Variants in ZNF536 observed in about 807,000 individuals in gnomAD.
ZNF536 encodes the protein zinc finger protein 536.
Under a neutral mutation model 84.5 loss-of-function variants are expected in ZNF536, and 13 were observed. The observed-to-expected ratio is 0.15, with a 90% CI of 0.10 to 0.24. ZNF536 has a LOEUF of 0.24. ZNF536 is among the 10% of genes least tolerant of loss of function. ZNF536 has a pLI of 1.00. For synonymous variants in ZNF536, 811 were observed against 742.5 expected, an observed-to-expected ratio of 1.09 and a Z score of -1.50; for missense variants, 1,536 against 1,747.5, an observed-to-expected ratio of 0.88 and a Z score of 2.16.
rs560915047 is a variant in ZNF536, at chr19:30,525,306, C to T, written c.2171-9541C>T. ...TGCGCTGAACACTCTGGAGCACTTC[C>T]GATGTTTTGACGGTGCCCTGGACTA... On this transcript the variant is annotated intron_variant, in intron 2 of 4. Transcript: ENST00000355537. 3.9e-5 allele frequency among the ~76,000 whole-genome samples: 6 copies of T among 152,316 alleles called. No individual in the cohort carries two copies. The East Asian group carries it at 5.8e-4, about 15-fold the overall frequency.
chr19:30,313,873 C>G (rs944924026), intron 2 of ZNF536, among the ~76,000 whole-genome samples: 1 of 152,208 alleles, frequency 6.6e-6, no homozygotes, highest in Non-Finnish European at 1.5e-5. Context: ...GCCTGGGCTC[C>G]GAGAATAGAT....
chr19:30,530,431 C>T (rs2044757195), intron 2 of ZNF536, among the ~76,000 whole-genome samples: 1 of 152,120 alleles, frequency 6.6e-6, no homozygotes, highest in Non-Finnish European at 1.5e-5. Flanking sequence ...ACTTCAACCT[C>T]TGCCTCCCAG....
chr19:30,278,536 C>CA (rs1487173366), intron 1 of ZNF536, among the ~76,000 whole-genome samples: 1 of 152,146 alleles, frequency 6.6e-6, no homozygotes. Flanking sequence ...AGCAAGGCCC[C>CA]AAGATGTCAG....
intron 1 of ZNF536, among the ~76,000 whole-genome samples, chr19:30,569,541 C>T (rs115139440): frequency 0.016 from 2,232 of 136,576 alleles, 50 homozygotes; most frequent in South Asian, 0.057. Context: ...GAGATGGAAT[C>T]GAAGCCAGAT....
chr19:30,618,403 CATA>C (rs2048374234), intron 1 of ZNF536, among the ~76,000 whole-genome samples: 1 of 152,134 alleles, frequency 6.6e-6, no homozygotes, highest in African/African-American at 2.4e-5. Context: ...AAATAGACAG[CATA>C]ATATTTTGTT....
intron 2 of ZNF536, among the ~76,000 whole-genome samples, chr19:30,285,485 A>T (rs10415260): frequency 2.0e-5 from 3 of 152,050 alleles, no homozygotes; most frequent in East Asian, 3.9e-4. Context: ...TTTCTGATGC[A>T]TAATAAGGAA....
chr19:30,676,547 A>G (rs2050759072), intron 1 of ZNF536, among the ~76,000 whole-genome samples: 1 of 152,256 alleles, frequency 6.6e-6, no homozygotes, highest in African/African-American at 2.4e-5. Context: ...ATTTCAAATC[A>G]GTTTAATAAA....
At position 30,547,981 on chromosome 19, in the gene ZNF536, G is replaced by A. The variant is rs1251303551; in HGVS notation, c.2362G>A (p.Gly788Ser). Residue 788 changes from glycine (G) to serine (S), a missense_variant, in exon 4 of 5, where the codon GGC becomes AGC. Coordinates refer to ENST00000355537, the MANE Select transcript of ZNF536 (RefSeq NM_014717.3). ...PYKCPHCDYA[G>S]TQSASLKYHL... ...CAAGTGTCCGCACTGTGACTATGCC[G>A]GCACGCAGTCAGCATCCTTAAAATA... The A allele has an allele frequency of 6.9e-6, 11 of 1,593,420 alleles. No individual in the cohort carries two copies. The highest frequency in any genetic ancestry group is 9.4e-6 in the Non-Finnish European group (11 of 1,169,616).
chr19:30,514,873 C>T (rs996620363), intron 2 of ZNF536, among the ~76,000 whole-genome samples: 3 of 152,108 alleles, frequency 2.0e-5, no homozygotes, highest in Non-Finnish European at 2.9e-5. Context: ...CCAGTCTGCT[C>T]TGTCCTTACT....
At chr19:30,367,453 T>C (rs1314391130), upstream of ZNF536, among the ~76,000 whole-genome samples, 2 of 152,222 alleles carry the variant, frequency 1.3e-5, no homozygotes, top group Non-Finnish European at 2.9e-5. Context: ...GGACTGGGTA[T>C]CTGTCTTGGC....
chr19:30,396,574 G>T (rs964939042), intron 1 of ZNF536, among the ~76,000 whole-genome samples: 2 of 145,688 alleles, frequency 1.4e-5, no homozygotes, highest in Admixed American at 7.0e-5. Context: ...GCCTCCATTT[G>T]CTATGAGAGG....
At chr19:30,480,474 C>CA (rs1256659360) in intron 2 of ZNF536, among the ~76,000 whole-genome samples, 2 of 152,092 alleles carry the variant, frequency 1.3e-5, no homozygotes, top group Admixed American at 6.5e-5. Context: ...CGGATGTTCT[C>CA]ACTCATAAGT....
intron 1 of ZNF536, among the ~76,000 whole-genome samples, chr19:30,267,434 A>G (rs1380743926): frequency 6.6e-6 from 1 of 152,154 alleles, no homozygotes; most frequent in Non-Finnish European, 1.5e-5. Context: ...ATAAAAAGAA[A>G]AGGAGGGGGA....
chr19:30,615,146 C>T (rs1320486300), intron 1 of ZNF536, among the ~76,000 whole-genome samples: 3 of 148,014 alleles, frequency 2.0e-5, no homozygotes, highest in Admixed American at 1.3e-4. Context: ...GGGGTTTCAC[C>T]GTGTTAGCCA....
At chr19:30,633,509 A>C (rs1016319477) in intron 1 of ZNF536, among the ~76,000 whole-genome samples, 1 of 152,198 alleles carries the variant, frequency 6.6e-6, no homozygotes, top group Non-Finnish European at 1.5e-5. Flanking sequence ...TCTAAACAAA[A>C]ATTCAAATGT....
chr19:30,455,545 T>C (rs1465061758), intron 2 of ZNF536, among the ~76,000 whole-genome samples: 1 of 152,020 alleles, frequency 6.6e-6, no homozygotes, highest in Non-Finnish European at 1.5e-5. Context: ...CTACAAAAAA[T>C]ACAAAAATTA....
At chr19:30,520,035 G>C (rs1270586981) in intron 2 of ZNF536, among the ~76,000 whole-genome samples, 1 of 152,226 alleles carries the variant, frequency 6.6e-6, no homozygotes, top group Non-Finnish European at 1.5e-5. Flanking sequence ...GGATTAACCA[G>C]GCAAGATGCA....
intron 1 of ZNF536, among the ~76,000 whole-genome samples, chr19:30,653,015 G>A (rs939700103): frequency 2.0e-5 from 3 of 152,204 alleles, no homozygotes; most frequent in East Asian, 1.9e-4. Context: ...ACCGAATGGC[G>A]GCTATTTCTA....
chr19:30,541,076 C>G (rs946645489), intron 3 of ZNF536, among the ~76,000 whole-genome samples: 3 of 152,212 alleles, frequency 2.0e-5, no homozygotes, highest in African/African-American at 7.2e-5. Flanking sequence ...CATCACAGAG[C>G]TGATAAACTC....
Sources: gnomAD v4.1 joint callset for allele counts (sites outside exome capture counted in the v4.1 genomes callset) on GRCh38, gnomAD v4.1.1 for gene constraint, MANE v1.5 for transcripts, NCBI Gene and HGNC (gene_info 2026-07-23, HGNC 2026-07-21) for gene names.